TEP1: variants seen among roughly 807,000 people sequenced by gnomAD.
The protein encoded by TEP1 is telomerase associated protein 1.
TEP1 carries 241 observed loss-of-function variants against 306.3 expected under a neutral mutation model. The observed-to-expected ratio is 0.79, with a 90% CI of 0.71 to 0.88. The LOEUF is 0.88. TEP1 is among the 40% of genes least tolerant of loss of function. The pLI is 0.00. For missense variants in TEP1, 3,051 were observed against 3,276.1 expected (o/e 0.93, Z 1.68); for synonymous variants, 1,289 against 1,305.5 (o/e 0.99, Z 0.27).
At position 20,369,437 on chromosome 14, in the gene TEP1, T is replaced by C. The variant is rs769549446; in HGVS notation, c.7563A>G (p.Pro2521=). 1.2e-6 allele frequency: 2 copies of C among 1,614,120 alleles called. No individual in the cohort carries two copies. The highest frequency in any genetic ancestry group is 1.7e-5 in the Admixed American group (1 of 60,020). ...TPETQTPGTD[P]STCRESDASM... is the part of the protein sequence containing the mutation. ...TGGCATCAGATTCCCTGCAGGTAGA[T>C]GGGTCTGTCCCTGGAGTTTGGGTTT... The change falls in exon 53 of 55, where the codon CCA becomes CCG. Residue 2521 remains proline (P), a synonymous_variant. Coordinates refer to ENST00000262715, the MANE Select transcript of TEP1 (RefSeq NM_007110.5).
Position 20,400,983 on chromosome 14 carries a change from C to T in TEP1, c.1549+1G>A, listed in dbSNP as rs1037983642. ...GAATGTGATGGTCAAGGTCACTCTA[C>T]CAATGAGTTCCTCCCAGACCGACGC... is the stretch of plus-strand genomic sequence containing the variant. On this transcript the variant is annotated splice_donor_variant, in intron 9 of 54. Coordinates refer to ENST00000262715, the MANE Select transcript of TEP1 (RefSeq NM_007110.5). LOFTEE classifies it high-confidence loss of function. 1.2e-6 allele frequency: 2 copies of T among 1,613,912 alleles called. No homozygotes were observed. The highest frequency in any genetic ancestry group is 2.7e-5 in the African/African-American group (2 of 74,918).
chr14:20,394,572 C>T (rs112117454), intron 12 of TEP1, among the ~76,000 whole-genome samples: 5,790 of 151,280 alleles, frequency 0.038, 154 homozygotes, highest in South Asian at 0.089. Context: ...CTCCGCCTCC[C>T]GGGTTCAAGT....
chr14:20,368,612 CT>C, intron 54 of TEP1, 53 bp from the exon 55 acceptor site: 1 of 1,605,684 alleles, frequency 6.2e-7, no homozygotes, highest in Non-Finnish European at 8.5e-7. Context: ...TCCTTACTAA[CT>C]TATTTTTTCT....
Position 20,374,483 on chromosome 14 carries a change from C to G in TEP1, c.6417G>C (p.Gln2139His). ...GATGACCCAGGAACTGACCAAGCCG[C>G]TGTCCTGACTCTGGGTCCCAGAGCC... ...SVGLWDPESGQRLGQFLGHQS... is the reference protein window; with the variant it reads ...SVGLWDPESGHRLGQFLGHQS... Residue 2139 changes from glutamine (Q) to histidine (H), a missense_variant, in exon 44 of 55, where the codon CAG becomes CAC. Physicochemically the swap from Gln to His is conservative, Grantham distance 24. Transcript: ENST00000262715. 6.2e-7 allele frequency: 1 copy of G among 1,613,756 alleles called. No individual in the cohort carries two copies. Among genetic ancestry groups the G allele is most frequent in the African/African-American group, 1.3e-5 (1 of 75,048 alleles).
chr14:20,386,674 C>CA, intron 18 of TEP1, 51 bp from the exon 19 acceptor site: 1 of 1,501,354 alleles, frequency 6.7e-7, no homozygotes, highest in Non-Finnish European at 8.9e-7. Flanking sequence ...TCCCACCCCC[C>CA]ATCCATAGAC....
chr14:20,384,214 G>A lies in TEP1; in HGVS notation c.3358C>T (p.Gln1120Ter). The part of the protein sequence containing the change: ...LYLQPGALLE[Q>*]PVSIPDDDLV... ...TCATCGTCTGGGATGGACACTGGCT[G>A]CTCCAGCAGGGCCCCAGGCTGAGGG... Residue 1120 changes from glutamine to a stop codon, truncating the protein, a stop_gained, in exon 24 of 55, where the codon CAG (glutamine) becomes TAG (stop). Transcript: ENST00000262715. LOFTEE classifies it high-confidence loss of function. 1 of 1,613,988 alleles carries A rather than the reference G, an allele frequency of 6.2e-7. No individual in the cohort carries two copies. The highest frequency in any genetic ancestry group is 8.5e-7 in the Non-Finnish European group (1 of 1,179,934).
Position 20,373,225 on chromosome 14 carries a change from T to C in TEP1, c.6814+45A>G, listed in dbSNP as rs2139006289. ...AGATATCAGGCCACCCTTGACCTTT[T>C]TTTGTGCCAGTAACACACCCTGTCT... On this transcript the variant is annotated intron_variant, in intron 47 of 54. Coordinates refer to ENST00000262715, the MANE Select transcript of TEP1 (RefSeq NM_007110.5). 8 of 1,612,402 alleles carry C rather than the reference T, an allele frequency of 5.0e-6. No individual in the cohort carries two copies. The East Asian group carries it at 8.9e-5, about 18-fold the overall frequency.
intron 7 of TEP1, among the ~76,000 whole-genome samples, chr14:20,402,700 C>T (rs571309207): frequency 3.3e-5 from 5 of 152,298 alleles, no homozygotes; most frequent in African/African-American, 1.2e-4. Flanking sequence ...AGCCGGGTGA[C>T]GTGAATCCAG....
intron 28 of TEP1, 62 bp from the exon 29 acceptor site, chr14:20,382,418 G>T: frequency 6.4e-7 from 1 of 1,566,028 alleles, no homozygotes; most frequent in Non-Finnish European, 8.7e-7. Flanking sequence ...TTGGCTTGTG[G>T]GATAGGGAAG....
Position 20,408,448 on chromosome 14 carries a change from C to T in TEP1, c.-9G>A, listed in dbSNP as rs1190974399. The T allele has an allele frequency of 6.2e-7, 1 of 1,608,754 alleles. No homozygotes were observed. The highest frequency in any genetic ancestry group is 8.5e-7 in the Non-Finnish European group (1 of 1,178,526). ...CCATGGAGTTTTTCCATGGCTGAAA[C>T]TCAGCTTGTATATGCCTAGAAGGAG... On this transcript the variant is annotated 5_prime_UTR_variant, in exon 2 of 55. Transcript: ENST00000262715.
rs747789335 is a variant in TEP1 at position 20,369,311 on chromosome 14, C to G, written c.7656+33G>C. 3.7e-6 allele frequency: 6 copies of G among 1,610,540 alleles called. No individual in the cohort carries two copies. The African/African-American group carries it at 8.0e-5, about 22-fold the overall frequency. ...GTGTGAGCCACTGCTCCCAGCCCTC[C>G]CCTAGTATTTCTGACCCTTCCTTCA... On this transcript the variant is annotated intron_variant, in intron 53 of 54. Coordinates refer to ENST00000262715, the MANE Select transcript of TEP1 (RefSeq NM_007110.5).
rs1278043455 is a variant in TEP1, at chr14:20,391,685, G to A, written c.2011C>T (p.Leu671=). Residue 671 remains leucine (L), a synonymous_variant, in exon 13 of 55, where the codon CTG becomes TTG. Coordinates refer to ENST00000262715, the MANE Select transcript of TEP1 (RefSeq NM_007110.5). Reference sequence around the variant, plus strand: ...ACAGTGCGGCCTGGCAGCAGGGGCAGGCTGTGCTTCACAGAGAGGTTCACA... The same window carrying A: ...ACAGTGCGGCCTGGCAGCAGGGGCAAGCTGTGCTTCACAGAGAGGTTCACA... ...TAVNLSVKHS[L]PLLPGRTVLV... 2.1e-5 allele frequency: 34 copies of A among 1,614,224 alleles called. No homozygotes were observed. The highest frequency in any genetic ancestry group is 2.9e-5 in the Non-Finnish European group (34 of 1,180,034).
chr14:20,382,851 C>T, intron 27 of TEP1, 136 bp from the exon 28 acceptor site: 1 of 808,728 alleles, frequency 1.2e-6, no homozygotes, highest in Non-Finnish European at 2.0e-6. Context: ...GGCATCATCC[C>T]AGGACACAAA....
chr14:20,395,977 G>A (rs1004483176), intron 10 of TEP1, 28 bp from the exon 11 acceptor site: 17 of 1,594,480 alleles, frequency 1.1e-5, no homozygotes, highest in African/African-American at 1.3e-5. Flanking sequence ...GAGGGGTCAT[G>A]AGCACAGGAG....
At chr14:20,393,153 C>A (rs901859613) in intron 12 of TEP1, among the ~76,000 whole-genome samples, 2 of 151,454 alleles carry the variant, frequency 1.3e-5, no homozygotes, top group Non-Finnish European at 2.9e-5. Context: ...GGAGGTGGAG[C>A]TTGCAGTGAG....
At chr14:20,389,808 G>A in intron 15 of TEP1, 68 bp from the exon 16 acceptor site, 1 of 1,587,102 alleles carries the variant, frequency 6.3e-7, no homozygotes, top group Admixed American at 1.7e-5. Context: ...TAAGATATGA[G>A]CTTTCTGAGG....
chr14:20,371,841 A>C (rs1352059517), intron 49 of TEP1, among the ~76,000 whole-genome samples: 4 of 152,156 alleles, frequency 2.6e-5, no homozygotes, highest in African/African-American at 7.2e-5. Context: ...AGGAATCTCT[A>C]ACATTCTTGG....
intron 3 of TEP1, among the ~76,000 whole-genome samples, 183 bp downstream of exon 3, chr14:20,406,050 G>A (rs1879145142): frequency 1.3e-5 from 2 of 149,270 alleles, no homozygotes; most frequent in South Asian, 2.2e-4. Context: ...GAGAAAGAAA[G>A]GAAAGAAAAA....
chr14:20,395,248 A>C (rs1262795543), intron 12 of TEP1, among the ~76,000 whole-genome samples: 1 of 152,252 alleles, frequency 6.6e-6, no homozygotes, highest in African/African-American at 2.4e-5. Flanking sequence ...GAGGTCCAGG[A>C]GTAGACTTTG....
Sources: allele counts gnomAD v4.1 joint callset (sites outside exome capture counted in the v4.1 genomes callset), GRCh38; gene constraint gnomAD v4.1.1; transcripts MANE v1.5; gene names NCBI Gene and HGNC (gene_info 2026-07-23, HGNC 2026-07-21).